PCDH7: variants seen among roughly 807,000 people sequenced by gnomAD.
PCDH7 encodes the protein protocadherin-7.
In PCDH7, 17 loss-of-function variants were observed where a neutral mutation model predicts 58.9. That is an observed-to-expected ratio of 0.29 (90% CI 0.20 to 0.43). The LOEUF is 0.43. Ranked by LOEUF, PCDH7 falls within the 20% of genes least tolerant of loss-of-function variation. PCDH7 has a pLI of 1.00. For synonymous variants in PCDH7, 664 were observed against 616.4 expected (o/e 1.08, Z -1.14); for missense variants, 1,274 against 1,441.0 (o/e 0.88, Z 1.88).
intron 1 of PCDH7, among the ~76,000 whole-genome samples, chr4:30,817,659 A>G (rs1727865740): frequency 6.6e-6 from 1 of 152,036 alleles, no homozygotes; most frequent in African/African-American, 2.4e-5. Context: ...AGCATTTTTC[A>G]GGATATGGTG....
intron 3 of PCDH7, among the ~76,000 whole-genome samples, chr4:31,021,384 G>T (rs564392432): frequency 6.6e-6 from 1 of 152,012 alleles, no homozygotes; most frequent in Non-Finnish European, 1.5e-5. Flanking sequence ...GAATTGTCTC[G>T]ACCAACATGG....
chr4:30,794,965 T>A (rs545936050), intron 1 of PCDH7, among the ~76,000 whole-genome samples: 41 of 152,264 alleles, frequency 2.7e-4, no homozygotes, highest in Non-Finnish European at 5.1e-4. Context: ...GATCTTTCAA[T>A]TTAAATCCAT....
chr4:30,949,842 T>C lies in PCDH7; in HGVS notation c.288-278T>C, dbSNP rs760879094. Reference sequence around the variant, plus strand: ...TATGCCCATATGTGAAGGTCCTGCCTAGTTAAAAAATGAGGATAAAATGGT... The same window carrying C: ...TATGCCCATATGTGAAGGTCCTGCCCAGTTAAAAAATGAGGATAAAATGGT... On this transcript the variant is annotated intron_variant, in intron 2 of 3. Transcript: ENST00000509759. Among the ~76,000 whole-genome samples, 44 of 152,206 alleles carry C rather than the reference T, an allele frequency of 2.9e-4. 1 individual carries two copies. Among genetic ancestry groups the C allele is most frequent in the Non-Finnish European group, 5.9e-4 (40 of 68,002 alleles).
At chr4:30,997,262 G>T (rs1560565044) in intron 3 of PCDH7, among the ~76,000 whole-genome samples, 1 of 151,996 alleles carries the variant, frequency 6.6e-6, no homozygotes, top group Non-Finnish European at 1.5e-5. Flanking sequence ...TCTATAAATG[G>T]TTATTTTAGA....
chr4:30,823,888 C>G (rs1175189260), intron 1 of PCDH7, among the ~76,000 whole-genome samples: 1 of 152,080 alleles, frequency 6.6e-6, no homozygotes, highest in Non-Finnish European at 1.5e-5. Context: ...ACATTTCACT[C>G]CAAAAGTGCT....
At chr4:31,052,204 G>A (rs73115191) in intron 3 of PCDH7, among the ~76,000 whole-genome samples, 35,495 of 151,938 alleles carry the variant, frequency 0.23, 4,395 homozygotes, top group South Asian at 0.33. Flanking sequence ...GTTCCTTATC[G>A]ACTTTAGTTT....
At chr4:30,999,130 T>C (rs897615732) in intron 3 of PCDH7, among the ~76,000 whole-genome samples, 3 of 152,146 alleles carry the variant, frequency 2.0e-5, no homozygotes, top group African/African-American at 7.2e-5. Flanking sequence ...ATAACATCTA[T>C]AACCCTACCT....
At chr4:30,812,216 T>C (rs1727110835) in intron 1 of PCDH7, among the ~76,000 whole-genome samples, 1 of 152,206 alleles carries the variant, frequency 6.6e-6, no homozygotes, top group Admixed American at 6.5e-5. Context: ...CTAGTCTGTG[T>C]AATGTATTTG....
chr4:30,992,814 T>G (rs1361808075), intron 3 of PCDH7, among the ~76,000 whole-genome samples: 1 of 147,040 alleles, frequency 6.8e-6, no homozygotes, highest in Non-Finnish European at 1.5e-5. Context: ...TTTTTTTTTT[T>G]TTTTGACGGA....
intron 3 of PCDH7, among the ~76,000 whole-genome samples, chr4:31,039,406 G>A (rs1164362412): frequency 6.6e-6 from 1 of 152,162 alleles, no homozygotes; most frequent in Non-Finnish European, 1.5e-5. Context: ...TTGTTTTAGA[G>A]ATGGGGTCTT....
intron 1 of PCDH7, among the ~76,000 whole-genome samples, chr4:30,754,065 G>T (rs1718934776): frequency 2.0e-5 from 3 of 151,996 alleles, no homozygotes; most frequent in African/African-American, 4.8e-5. Context: ...TTCTCCAATT[G>T]TAGTCAGGTT....
intron 3 of PCDH7, among the ~76,000 whole-genome samples, chr4:31,015,761 G>C (rs1753559146): frequency 6.6e-6 from 1 of 152,092 alleles, no homozygotes; most frequent in African/African-American, 2.4e-5. Context: ...GACAATGTTT[G>C]TTTTCTTTGC....
At chr4:30,994,432 A>T (rs559572424) in intron 3 of PCDH7, among the ~76,000 whole-genome samples, 1 of 152,312 alleles carries the variant, frequency 6.6e-6, no homozygotes, top group Non-Finnish European at 1.5e-5. Context: ...AAAAAAAGCA[A>T]ATTCATTTTA....
At chr4:30,738,923 G>A (rs559947991) in intron 1 of PCDH7, among the ~76,000 whole-genome samples, 2 of 152,006 alleles carry the variant, frequency 1.3e-5, no homozygotes, top group Admixed American at 6.6e-5. Context: ...TGCCAGGCAT[G>A]TAACCAAGGC....
At chr4:31,145,642 A>G (rs1720624915), downstream of PCDH7, 1 of 152,056 alleles carries the variant, frequency 6.6e-6, no homozygotes, top group Non-Finnish European at 1.5e-5. Flanking sequence ...ATAATAAATA[A>G]TATATTAAAA....
At chr4:30,896,663 A>C (rs528031839) in intron 1 of PCDH7, among the ~76,000 whole-genome samples, 2 of 152,068 alleles carry the variant, frequency 1.3e-5, no homozygotes, top group Admixed American at 1.3e-4. Context: ...GGAAGTGGAA[A>C]ATCTGATAAA....
chr4:30,897,030 G>A (rs931075192), intron 1 of PCDH7, among the ~76,000 whole-genome samples: 11 of 146,538 alleles, frequency 7.5e-5, no homozygotes, highest in South Asian at 2.2e-4. Flanking sequence ...TCAGCCTCCC[G>A]CGTAGCTGGG....
At chr4:30,781,679 G>A (rs11723028) in intron 1 of PCDH7, among the ~76,000 whole-genome samples, 42,676 of 151,656 alleles carry the variant, frequency 0.28, 6,236 homozygotes, top group Non-Finnish European at 0.3. Context: ...TGGGTTTACA[G>A]GCATGCGCCA....
At chr4:31,053,696 C>T (rs1204600938) in intron 3 of PCDH7, among the ~76,000 whole-genome samples, 1 of 152,154 alleles carries the variant, frequency 6.6e-6, no homozygotes, top group African/African-American at 2.4e-5. Context: ...GCATGGTACA[C>T]TCACTCACTG....
Sources: allele counts gnomAD v4.1 joint callset (sites outside exome capture counted in the v4.1 genomes callset), GRCh38; gene constraint gnomAD v4.1.1; transcripts MANE v1.5; gene names NCBI Gene and HGNC (gene_info 2026-07-23, HGNC 2026-07-21).